The following RECQL variants were observed in gnomAD, a reference collection of about 807,000 sequenced individuals.
RECQL encodes the protein RecQ like helicase.
A neutral mutation model predicts 75.8 loss-of-function variants in RECQL; 73 were observed. The ratio of observed to expected loss-of-function variants is 0.96; its 90% CI spans 0.80 to 1.17. RECQL has a LOEUF of 1.17. RECQL is among the 50% of genes most tolerant of loss of function. RECQL has a pLI of 0.00. For missense variants in RECQL, 699 were observed against 772.1 expected (o/e 0.91, Z 1.12); for synonymous variants, 248 against 254.4 (o/e 0.97, Z 0.24).
chr12:21,481,444 T>TTAA (rs1352987020), intron 6 of RECQL, among the ~76,000 whole-genome samples: 4 of 152,120 alleles, frequency 2.6e-5, no homozygotes, highest in Admixed American at 2.6e-4. Flanking sequence ...ATGGTAATAC[T>TTAA]TAAGCAAGGG....
At chr12:21,499,654 A>C in intron 1 of RECQL, 39 bp from the exon 2 acceptor site, 1 of 1,060,504 alleles carries the variant, frequency 9.4e-7, no homozygotes, top group Admixed American at 2.1e-5. Flanking sequence ...AAGTTTTTAA[A>C]AATAGTACTA....
In RECQL at chr12:21,473,546, C is replaced by T. The variant is rs1195106673; in HGVS notation, c.1447+5G>A. On this transcript the variant is annotated splice_donor_5th_base_variant and intron_variant, in intron 12 of 14. Transcript: ENST00000444129. ...CTATAAAGGTTTACAAAACAACAAA[C>T]TCACCACTGTCTTTACAGCAGTTAT... is the stretch of plus-strand genomic sequence containing the variant. 6.2e-7 allele frequency: 1 copy of T among 1,609,692 alleles called. No individual in the cohort carries two copies. Among genetic ancestry groups the T allele is most frequent in the Admixed American group, 1.7e-5 (1 of 59,812 alleles).
At position 21,474,959 on chromosome 12, in the gene RECQL, C is replaced by T; in HGVS notation, c.1237G>A (p.Asp413Asn). The T allele has an allele frequency of 1.2e-6, 2 of 1,612,812 alleles. No individual in the cohort carries two copies. The highest frequency in any genetic ancestry group is 1.7e-6 in the Non-Finnish European group (2 of 1,179,104). Residue 413 changes from aspartate to asparagine, a missense_variant, in exon 11 of 15, where the codon GAC becomes AAC. By Grantham distance (23) the Asp-to-Asn change is conservative. Transcript: ENST00000444129. ...CCAAAGCCGTAGTACAAAATACAGTCTGCTTTCATGTCATCTCGACCTGTG... is the reference window on the plus strand; with the variant it reads ...CCAAAGCCGTAGTACAAAATACAGTTTGCTTTCATGTCATCTCGACCTGTG... ...GRAGRDDMKA[D>N]CILYYGFGDI...
chr12:21,492,139 G>A (rs879444296), intron 2 of RECQL, among the ~76,000 whole-genome samples: 1 of 152,170 alleles, frequency 6.6e-6, no homozygotes, highest in Non-Finnish European at 1.5e-5. Context: ...AGACTTTGAA[G>A]CAAAAGGAAG....
At chr12:21,491,841 G>T in intron 2 of RECQL, 125 bp from the exon 3 acceptor site, 1 of 836,586 alleles carries the variant, frequency 1.2e-6, no homozygotes, top group Non-Finnish European at 1.8e-6. Context: ...ATAGCAGAAT[G>T]GTTATGAGCA....
chr12:21,476,718 C>G (rs1194550501), intron 8 of RECQL, among the ~76,000 whole-genome samples, 193 bp downstream of exon 8: 1 of 152,086 alleles, frequency 6.6e-6, no homozygotes, highest in Admixed American at 6.6e-5. Flanking sequence ...GACTCATAAT[C>G]TATGGCATAA....
chr12:21,476,658 T>A (rs930289468), intron 8 of RECQL, among the ~76,000 whole-genome samples: 1 of 152,122 alleles, frequency 6.6e-6, no homozygotes, highest in African/African-American at 2.4e-5. Context: ...AGTCATCAGG[T>A]CTATTCTAAA....
intron 1 of RECQL, among the ~76,000 whole-genome samples, 197 bp downstream of exon 1, chr12:21,500,973 A>G (rs1486305981): frequency 2.6e-5 from 4 of 152,208 alleles, no homozygotes; most frequent in Non-Finnish European, 5.9e-5. Flanking sequence ...AGTATAAGCT[A>G]GGCATCCACA....
chr12:21,496,701 T>C (rs763154027), intron 2 of RECQL, among the ~76,000 whole-genome samples: 2 of 152,222 alleles, frequency 1.3e-5, no homozygotes, highest in Non-Finnish European at 2.9e-5. Flanking sequence ...CATGTTGAGA[T>C]ACCTCTTCTA....
intron 2 of RECQL, among the ~76,000 whole-genome samples, chr12:21,495,913 T>C (rs1178090944): frequency 6.6e-6 from 1 of 152,204 alleles, no homozygotes. Flanking sequence ...GCTGTGTGGT[T>C]ATTTCCTCAG....
intron 12 of RECQL, among the ~76,000 whole-genome samples, chr12:21,472,389 T>C (rs1017253351): frequency 6.6e-6 from 1 of 151,982 alleles, no homozygotes; most frequent in African/African-American, 2.4e-5. Context: ...TTATTAGCAA[T>C]AGAGTATAGG....
rs2136755906 is a variant in RECQL, at chr12:21,491,640, C to T, written c.93G>A (p.Arg31=). ...TTTTTTTCTGAATAAGCTCTTGTTG[C>T]CTTTCCGTAAGTTCTTGAATTTGAA... ...VEIQIQELTE[R]QQELIQKKKV... Residue 31 remains arginine (R), a synonymous_variant, in exon 3 of 15, where the codon AGG becomes AGA. Coordinates refer to ENST00000444129, the MANE Select transcript of RECQL (RefSeq NM_002907.4). 1 of 1,613,698 alleles carries T rather than the reference C, an allele frequency of 6.2e-7. No individual in the cohort carries two copies. Among genetic ancestry groups the T allele is most frequent in the South Asian group, 1.1e-5 (1 of 91,052 alleles).
At chr12:21,483,909 G>A (rs1449092381) in intron 5 of RECQL, among the ~76,000 whole-genome samples, 4 of 152,058 alleles carry the variant, frequency 2.6e-5, no homozygotes, top group African/African-American at 7.2e-5. Flanking sequence ...TCTAAAATGT[G>A]AGCTAGATGC....
rs1943027075 is a variant in RECQL at position 21,473,620 on chromosome 12, G to A, written c.1378C>T (p.Gln460Ter). ...ISKCRRVLMAQHFDEVWNSEA... is the reference protein window; with the variant it reads ...ISKCRRVLMA ...GAGTTCCATACTTCATCAAAATGTT[G>A]AGCCATCAACACACGACGACATCTG... Residue 460 changes from glutamine (Q) to a stop codon, truncating the protein, a stop_gained, in exon 12 of 15, where the codon CAA (glutamine) becomes TAA (stop). Coordinates refer to ENST00000444129, the MANE Select transcript of RECQL (RefSeq NM_002907.4). LOFTEE classifies it high-confidence loss of function. 6.2e-7 allele frequency: 1 copy of A among 1,612,628 alleles called. No homozygotes were observed. Among genetic ancestry groups the A allele is most frequent in the Non-Finnish European group, 8.5e-7 (1 of 1,179,194 alleles).
Position 21,491,710 on chromosome 12 carries a change from GT to G in RECQL, c.22del (p.Thr8LeufsTer7), listed in dbSNP as rs1456288735. MASVSAL[T>X]EELDSITSEL... Reference sequence around the variant, plus strand: ...ACTGGTTATAGAATCCAGTTCCTCAGTTAGAGCTATGGGAGGCAGCGCGGAT... The same window carrying G: ...ACTGGTTATAGAATCCAGTTCCTCAGTAGAGCTATGGGAGGCAGCGCGGAT... On this transcript the variant is annotated frameshift_variant, in exon 3 of 15. Transcript: ENST00000444129. LOFTEE classifies it high-confidence loss of function. The G allele has an allele frequency of 6.2e-7, 1 of 1,610,298 alleles. No individual in the cohort carries two copies. Among genetic ancestry groups the G allele is most frequent in the Admixed American group, 1.7e-5 (1 of 59,298 alleles).
At chr12:21,477,753 C>A in intron 7 of RECQL, 50 bp downstream of exon 7, 2 of 1,454,124 alleles carry the variant, frequency 1.4e-6, no homozygotes, top group Non-Finnish European at 1.9e-6. Context: ...GGCAGATCCC[C>A]TCTGCGTAAT....
chr12:21,472,983 A>G (rs1413491487), intron 12 of RECQL, among the ~76,000 whole-genome samples: 2 of 152,152 alleles, frequency 1.3e-5, no homozygotes, highest in African/African-American at 4.8e-5. Flanking sequence ...GTATAGCAAT[A>G]TAAAATGTGT....
intron 2 of RECQL, among the ~76,000 whole-genome samples, chr12:21,497,535 G>A (rs7301779): frequency 0.99 from 150,857 of 152,306 alleles, 74,731 homozygotes; most frequent in East Asian, 1. Flanking sequence ...GTTAATGATT[G>A]GCAGGATGGT....
chr12:21,482,967 A>G (rs985101978), intron 6 of RECQL, among the ~76,000 whole-genome samples: 3 of 152,212 alleles, frequency 2.0e-5, no homozygotes, highest in African/African-American at 7.2e-5. Context: ...ACTAAAGATG[A>G]CAACTTTGAA....
Sources: allele counts gnomAD v4.1 joint callset (sites outside exome capture counted in the v4.1 genomes callset), GRCh38; gene constraint gnomAD v4.1.1; transcripts MANE v1.5; gene names NCBI Gene and HGNC (gene_info 2026-07-23, HGNC 2026-07-21).